Variants in ANKRD44 observed in about 807,000 individuals in gnomAD.
ANKRD44 encodes the protein serine/threonine-protein phosphatase 6 regulatory ankyrin repeat subunit B.
ANKRD44 carries 35 observed loss-of-function variants against 116.0 expected under a neutral mutation model. The ratio of observed to expected loss-of-function variants is 0.30; its 90% CI spans 0.23 to 0.40. ANKRD44 has a LOEUF of 0.40. ANKRD44 is among the 10% of genes least tolerant of loss of function. The probability of loss-of-function intolerance (pLI) is 1.00; values close to 1 mark genes in which losing one functional copy is unlikely to be tolerated. For synonymous variants in ANKRD44, 435 were observed against 461.8 expected, an observed-to-expected ratio of 0.94 and a Z score of 0.74; for missense variants, 1,014 against 1,242.6, an observed-to-expected ratio of 0.82 and a Z score of 2.77.
intron 16 of ANKRD44, among the ~76,000 whole-genome samples, chr2:197,030,480 T>C (rs1330621966): frequency 6.6e-6 from 1 of 151,926 alleles, no homozygotes; most frequent in Non-Finnish European, 1.5e-5. Context: ...CAAAAAGTGG[T>C]GTGACTCTTG....
chr2:197,130,629 T>C (rs2079073530), intron 4 of ANKRD44, among the ~76,000 whole-genome samples: 1 of 152,232 alleles, frequency 6.6e-6, no homozygotes, highest in Non-Finnish European at 1.5e-5. Flanking sequence ...GATTATAAAA[T>C]GCTTACTTTC....
chr2:197,164,810 T>C (rs1316012505), intron 2 of ANKRD44, among the ~76,000 whole-genome samples: 3 of 151,936 alleles, frequency 2.0e-5, no homozygotes, highest in South Asian at 4.1e-4. Context: ...GTTCCCTGGG[T>C]TTTGAGGGTT....
intron 16 of ANKRD44, among the ~76,000 whole-genome samples, chr2:197,025,797 T>C (rs184231889): frequency 3.3e-5 from 5 of 152,180 alleles, no homozygotes; most frequent in Admixed American, 2.6e-4. Context: ...GAATCCTAAA[T>C]AAGAAGAATT....
chr2:197,297,594 C>T (rs2083760431), intron 1 of ANKRD44, among the ~76,000 whole-genome samples: 1 of 152,162 alleles, frequency 6.6e-6, no homozygotes, highest in Non-Finnish European at 1.5e-5. Flanking sequence ...AGTTGTGTCA[C>T]AGGAAGATGG....
rs1332421462 is a variant in ANKRD44 at position 197,066,105 on chromosome 2, T to C, written c.1650+12598A>G. ...GCTTATTCACGATGATCAAGTGGGC[T>C]TCATCCCTGGGATGCAAGGCTGGTT... On this transcript the variant is annotated intron_variant, in intron 16 of 27. Transcript: ENST00000282272. 2.6e-5 allele frequency among the ~76,000 whole-genome samples: 4 copies of C among 152,212 alleles called. No homozygotes were observed. In the East Asian group the frequency reaches 5.8e-4, roughly 22 times the overall value.
At chr2:197,026,852 G>C (rs929114541) in intron 16 of ANKRD44, among the ~76,000 whole-genome samples, 4 of 152,034 alleles carry the variant, frequency 2.6e-5, no homozygotes, top group Non-Finnish European at 4.4e-5. Flanking sequence ...GGATATTTTT[G>C]GAGGTAAAAT....
chr2:197,234,194 A>ATT (rs11436827), intron 1 of ANKRD44, among the ~76,000 whole-genome samples: 22,243 of 144,352 alleles, frequency 0.15, 2,153 homozygotes, highest in African/African-American at 0.28. Flanking sequence ...TAAGTCATAG[A>ATT]TTTTTTTTTT....
chr2:197,061,632 C>A (rs1243697820), intron 16 of ANKRD44, among the ~76,000 whole-genome samples: 1 of 152,150 alleles, frequency 6.6e-6, no homozygotes, highest in Non-Finnish European at 1.5e-5. Context: ...AATATGGGGG[C>A]AGGGCCAAAG....
In ANKRD44 at chr2:196,990,114, A is replaced by G. The variant is rs573248546; in HGVS notation, c.2924-465T>C. The G allele has an allele frequency of 2.8e-5, 28 of 1,001,678 alleles. No individual in the cohort carries two copies. In the South Asian group the frequency reaches 1.1e-3, roughly 39 times the overall value. 62.0% of individuals were successfully genotyped at this position (1,001,678 alleles called of 1,614,324 possible). Reference sequence around the variant, plus strand: ...AGAGATCCTCAGAAAGAAGTTCTGGATATTCAAATGCTTACTATAGAGAGG... The same window carrying G: ...AGAGATCCTCAGAAAGAAGTTCTGGGTATTCAAATGCTTACTATAGAGAGG... On this transcript the variant is annotated intron_variant, in intron 27 of 27. Coordinates refer to ENST00000282272, the MANE Select transcript of ANKRD44 (RefSeq NM_001195144.2).
At chr2:197,238,593 T>C (rs1269077202) in intron 1 of ANKRD44, among the ~76,000 whole-genome samples, 3 of 152,130 alleles carry the variant, frequency 2.0e-5, no homozygotes, top group Admixed American at 6.5e-5. Context: ...AGTGGCTTAA[T>C]CAAGAAAGAT....
intron 1 of ANKRD44, among the ~76,000 whole-genome samples, chr2:197,200,018 T>A (rs1206030266): frequency 1.3e-5 from 2 of 152,210 alleles, no homozygotes; most frequent in Non-Finnish European, 2.9e-5. Flanking sequence ...ACCTACAATA[T>A]GCTATTTTTA....
At chr2:197,214,413 C>A (rs976037934) in intron 1 of ANKRD44, among the ~76,000 whole-genome samples, 3 of 152,058 alleles carry the variant, frequency 2.0e-5, no homozygotes, top group African/African-American at 7.2e-5. Context: ...TGGCACCTGG[C>A]AAACATGCAA....
chr2:197,283,318 T>G (rs1233817599), intron 1 of ANKRD44, among the ~76,000 whole-genome samples: 2 of 152,222 alleles, frequency 1.3e-5, no homozygotes, highest in Non-Finnish European at 2.9e-5. Flanking sequence ...ACAAACAAAA[T>G]GGAATGTAAT....
chr2:197,275,139 C>T (rs2083037315), intron 1 of ANKRD44, among the ~76,000 whole-genome samples: 4 of 151,468 alleles, frequency 2.6e-5, no homozygotes, highest in Admixed American at 2.0e-4. Context: ...GACAGACTCT[C>T]GCTCTGTCAC....
intron 17 of ANKRD44, among the ~76,000 whole-genome samples, chr2:197,024,890 G>A (rs1394118912): frequency 2.0e-5 from 3 of 152,130 alleles, no homozygotes; most frequent in Admixed American, 6.5e-5. Flanking sequence ...TTTTAAAGAC[G>A]GTTAAACTCT....
In ANKRD44 at chr2:197,310,740, C is replaced by A. The variant is rs1156240502; in HGVS notation, c.-136G>T. The A allele has an allele frequency of 4.5e-6, 4 of 881,562 alleles. No homozygotes were observed. The East Asian group carries it at 2.6e-4, about 57-fold the overall frequency. 54.6% of individuals were successfully genotyped at this position (881,562 alleles called of 1,614,324 possible). A position where few individuals can be genotyped will look rare whatever the true frequency, so the allele number is the denominator to read the frequency against. ...CGAATTTGACAGCCCTCCCCCTGCT[C>A]CTCCTCCGCCGCCGCCTCCTCCCGC... On this transcript the variant is annotated 5_prime_UTR_variant, in exon 1 of 28. Transcript: ENST00000282272.
At chr2:196,995,863 C>T (rs2076003123) in intron 25 of ANKRD44, among the ~76,000 whole-genome samples, 1 of 152,186 alleles carries the variant, frequency 6.6e-6, no homozygotes, top group Non-Finnish European at 1.5e-5. Context: ...TCAGTTACTA[C>T]TTCAATTATC....
rs183161182 is a variant in ANKRD44, at chr2:197,254,291, G to T, written c.27+56287C>A. Among the ~76,000 whole-genome samples, 669 of 152,254 alleles carry T rather than the reference G, an allele frequency of 4.4e-3. 6 individuals carry two copies. The highest frequency in any genetic ancestry group is 0.016 in the African/African-American group (644 of 41,544). On this transcript the variant is annotated intron_variant, in intron 1 of 27. Coordinates refer to ENST00000282272, the MANE Select transcript of ANKRD44 (RefSeq NM_001195144.2). Reference sequence around the variant, plus strand: ...GCCTGTAATCCCAGCTGCTCGGGAGGCTGAGGCAGGAGAACCTGGGAGGCG... The same window carrying T: ...GCCTGTAATCCCAGCTGCTCGGGAGTCTGAGGCAGGAGAACCTGGGAGGCG...
intron 3 of ANKRD44, among the ~76,000 whole-genome samples, chr2:197,145,901 A>G (rs374394092): frequency 2.0e-5 from 3 of 152,266 alleles, no homozygotes; most frequent in Admixed American, 6.5e-5. Context: ...CACTTCCTCT[A>G]GATGTTAATC....
Sources: allele counts gnomAD v4.1 joint callset (sites outside exome capture counted in the v4.1 genomes callset), GRCh38; gene constraint gnomAD v4.1.1; transcripts MANE v1.5; gene names NCBI Gene and HGNC (gene_info 2026-07-23, HGNC 2026-07-21).